Variants in VCX observed in about 807,000 individuals in gnomAD.
The protein encoded by VCX is variable charge X-linked protein 1.
For synonymous variants in VCX, 17 were observed against 79.4 expected (o/e 0.21, Z 4.18); for missense variants, 45 against 171.8 (o/e 0.26, Z 4.13).
chrX:7,843,378 A>G (rs1282829313), intron 1 of VCX, 73 bp downstream of exon 1: 1 of 1,195,350 alleles, frequency 8.4e-7, no homozygotes, highest in Admixed American at 2.2e-5. Context: ...TCCTGTCCTC[A>G]CTTGGCACAA....
At chrX:7,842,300 C>A (rs1389379058), upstream of VCX, 1 of 105,125 alleles carries the variant, frequency 9.5e-6, no homozygotes. Context: ...TGGAAAAGTT[C>A]TTTGATTGCA....
chrX:7,843,312 G>A lies in VCX; in HGVS notation c.102+7G>A. The A allele has an allele frequency of 4.2e-6, 5 of 1,194,686 alleles. No homozygotes were observed. The highest frequency in any genetic ancestry group is 3.0e-5 in the East Asian group (1 of 33,619). On this transcript the variant is annotated splice_region_variant and intron_variant, in intron 1 of 1. Coordinates refer to ENST00000688183, the MANE Select transcript of VCX (RefSeq NM_001393662.1). The stretch of plus-strand genomic sequence containing the variant: ...CAGTGACCCGAAGAAGAAGGTGAGT[G>A]ACCCTCCCAAGCTCCTCCTCGTCTT...
At chrX:7,843,005 C>T, upstream of VCX, 2 of 102,300 alleles carry the variant, frequency 2.0e-5, no homozygotes, top group Admixed American at 1.3e-4. Context: ...CCGACTTCAT[C>T]CGCCATGTCC....
upstream of VCX, chrX:7,843,148 G>C (rs1485870371): frequency 8.7e-6 from 10 of 1,147,285 alleles, no homozygotes; most frequent in East Asian, 3.0e-5. Context: ...GGTATATACA[G>C]GGAGGCCAGG....
At chrX:7,843,419 G>T in intron 1 of VCX, 79 bp from the exon 2 acceptor site, 1 of 1,190,186 alleles carries the variant, frequency 8.4e-7, no homozygotes, top group Non-Finnish European at 1.1e-6. Flanking sequence ...CGCTTCTGAG[G>T]ACACGTCCCT....
At chrX:7,843,030 G>A (rs1230556116), upstream of VCX, 1 of 361,071 alleles carries the variant, frequency 2.8e-6, no homozygotes, top group Non-Finnish European at 4.4e-6. Flanking sequence ...GGTGCTTTGT[G>A]ACGTATAAGG....
upstream of VCX, chrX:7,842,711 G>A (rs377344461): frequency 2.2e-4 from 40 of 183,974 alleles, 1 homozygote; most frequent in South Asian, 8.0e-4. Flanking sequence ...ATAGCCCTCC[G>A]TCTATCCCAG....
rs1922457718 is a variant in VCX, at chrX:7,843,533, T to TA, written c.139dup (p.Arg47LysfsTer20). 8.6e-7 allele frequency: 1 copy of TA among 1,168,100 alleles called. No individual in the cohort carries two copies. On this transcript the variant is annotated frameshift_variant, in exon 2 of 2. Coordinates refer to ENST00000688183, the MANE Select transcript of VCX (RefSeq NM_001393662.1). LOFTEE classifies it low-confidence loss of function (END_TRUNC). ...TGGCCAAGAAGGGAAAAGCAGTTCG[T>TA]AGAGGGAGACGCGGGAAGAAAGGGG...
rs201830465 is a variant in VCX, at chrX:7,843,753, G to C, written c.358G>C (p.Val120Leu). 13 of 1,101,440 alleles carry C rather than the reference G, an allele frequency of 1.2e-5. No homozygotes were observed. The highest frequency in any genetic ancestry group is 6.3e-5 in the East Asian group (2 of 31,705). 90.8% of individuals were successfully genotyped at this position (1,101,440 alleles called of 1,213,427 possible). Residue 120 changes from valine (V) to leucine (L), a missense_variant, in exon 2 of 2, where the codon GTG becomes CTG. By Grantham distance (32) the Val-to-Leu change is conservative (BLOSUM62 1). Transcript: ENST00000688183. ...LEEPLSQESE[V>L]EEPLSQESQV... ...GGAACCACTGAGTCAGGAGAGCGAG[G>C]TGGAAGAACCACTGAGTCAGGAGAG...
chrX:7,842,535 C>T (rs1299028531), upstream of VCX, among the ~76,000 whole-genome samples: 7 of 109,492 alleles, frequency 6.4e-5, no homozygotes, highest in African/African-American at 1.7e-4. Context: ...TATGGGCATG[C>T]GCCACCATGC....
At position 7,844,081 on chromosome X, in the gene VCX, G is replaced by A; in HGVS notation, c.*65G>A. 5 of 1,115,527 alleles carry A rather than the reference G, an allele frequency of 4.5e-6. No individual in the cohort carries two copies. Among genetic ancestry groups the A allele is most frequent in the Non-Finnish European group, 6.0e-6 (5 of 837,357 alleles). 91.9% of individuals were successfully genotyped at this position (1,115,527 alleles called of 1,213,427 possible). On this transcript the variant is annotated 3_prime_UTR_variant, in exon 2 of 2. Transcript: ENST00000688183. ...GTTCAGGCCCAGCCGCCAGACCTCA[G>A]AGATCTCACCAGCGGGGTGCTTGCC...
rs757201357 is a variant in VCX at position 7,844,062 on chromosome X, G to A, written c.*46G>A. ...CTCCGAGAGCAGCGACTAAGTTCAG[G>A]CCCAGCCGCCAGACCTCAGAGATCT... On this transcript the variant is annotated 3_prime_UTR_variant, in exon 2 of 2. Coordinates refer to ENST00000688183, the MANE Select transcript of VCX (RefSeq NM_001393662.1). 5.3e-6 allele frequency: 6 copies of A among 1,129,131 alleles called. No homozygotes were observed. Among genetic ancestry groups the A allele is most frequent in the Middle Eastern group, 3.2e-4 (1 of 3,118 alleles). The allele number at this position is 1,129,131 out of a possible 1,213,427, so 93.1% of individuals were successfully genotyped here.
chrX:7,842,775 G>A (rs764120244), upstream of VCX: 4 of 237,190 alleles, frequency 1.7e-5, no homozygotes, highest in African/African-American at 3.0e-5. Context: ...ATGATGGCAG[G>A]TGTGGAGGAA....
chrX:7,843,071 T>C (rs749287375), upstream of VCX: 36 of 685,166 alleles, frequency 5.3e-5, 1 homozygote, highest in African/African-American at 7.3e-4. Context: ...GACCATTGGC[T>C]GGGTAGTGGA....
In VCX at chrX:7,844,141, T is replaced by C; in HGVS notation, c.*125T>C. The C allele has an allele frequency of 1.2e-6, 1 of 831,958 alleles. No individual in the cohort carries two copies. Among genetic ancestry groups the C allele is most frequent in the Non-Finnish European group, 1.6e-6 (1 of 625,611 alleles). The allele number at this position is 831,958 out of a possible 1,213,427, so 68.6% of individuals were successfully genotyped here. A position where few individuals can be genotyped will look rare whatever the true frequency, so the allele number is the denominator to read the frequency against. ...ATAATAAAATGAATGTGTTGCAAAT[T>C]GATCTGAGTGACTCTGTGTTCTCTG... On this transcript the variant is annotated 3_prime_UTR_variant, in exon 2 of 2. Coordinates refer to ENST00000688183, the MANE Select transcript of VCX (RefSeq NM_001393662.1).
upstream of VCX, chrX:7,842,870 A>C: frequency 3.6e-6 from 1 of 278,891 alleles, no homozygotes; most frequent in Non-Finnish European, 6.2e-6. Flanking sequence ...AAAATTGAAC[A>C]CGGGGAGTTT....
chrX:7,843,140 TA>T, upstream of VCX: 3 of 1,125,000 alleles, frequency 2.7e-6, no homozygotes, highest in South Asian at 3.7e-5. Context: ...GCGAGAGGGG[TA>T]TATACAGGGA....
upstream of VCX, chrX:7,842,572 G>C (rs1287643872): frequency 8.6e-6 from 1 of 116,643 alleles, no homozygotes; most frequent in African/African-American, 3.3e-5. Context: ...TTTTCGTAGA[G>C]ATGGGTTTTC....
intron 1 of VCX, 26 bp from the exon 2 acceptor site, chrX:7,843,472 C>T (rs761754058): frequency 8.6e-7 from 1 of 1,156,154 alleles, no homozygotes; most frequent in Non-Finnish European, 1.2e-6. Context: ...CGGAGCCCTT[C>T]TGTGATCTCC....
Sources: gnomAD v4.1 joint callset for allele counts (sites outside exome capture counted in the v4.1 genomes callset) on GRCh38, gnomAD v4.1.1 for gene constraint, MANE v1.5 for transcripts, NCBI Gene and HGNC (gene_info 2026-07-23, HGNC 2026-07-21) for gene names.